The following ADAMTS13 variants were observed in gnomAD, a reference collection of about 807,000 sequenced individuals.
The protein encoded by ADAMTS13 is A disintegrin and metalloproteinase with thrombospondin motifs 13.
ADAMTS13 carries 110 observed loss-of-function variants against 155.1 expected under a neutral mutation model. The observed-to-expected ratio is 0.71, with a 90% CI of 0.61 to 0.83. ADAMTS13 has a LOEUF of 0.83. ADAMTS13 is among the 40% of genes least tolerant of loss of function. The pLI, the probability that ADAMTS13 is intolerant of heterozygous loss-of-function variation, is 0.00. For missense variants in ADAMTS13, 1,707 were observed against 1,891.7 expected (o/e 0.90, Z 1.81); for synonymous variants, 758 against 756.4 (o/e 1.00, Z -0.03).
At position 133,445,788 on chromosome 9, in the gene ADAMTS13, G is replaced by T; in HGVS notation, c.2700G>T (p.Ala900=). ...AAGCTGCACACGTGTGGACCCCTGC[G>T]GCAGGGTCGTGCTCCGTCTCCTGCG... ...GAQAAHVWTP[A]AGSCSVSCGR... is the part of the protein sequence containing the mutation. Residue 900 remains alanine, a synonymous_variant, in exon 21 of 29, where the codon GCG becomes GCT. Coordinates refer to ENST00000355699, the MANE Select transcript of ADAMTS13 (RefSeq NM_139027.6). The surrounding 1 kb of genome is among the most constrained non-coding windows in gnomAD (Gnocchi z 5.0). 6.3e-7 allele frequency: 1 copy of T among 1,596,722 alleles called. No individual in the cohort carries two copies. Among genetic ancestry groups the T allele is most frequent in the Non-Finnish European group, 8.6e-7 (1 of 1,167,210 alleles).
In ADAMTS13 at chr9:133,436,921, C is replaced by G. The variant is rs1554789230; in HGVS notation, c.1401C>G (p.Phe467Leu). The change falls in exon 12 of 29, where the codon TTC becomes TTG. Residue 467 changes from phenylalanine (F) to leucine (L), a missense_variant. Around this residue, in one of 3 missense-constraint regions of ADAMTS13, gnomAD observed 733 missense variants for 749.6 expected, o/e 0.98. Coordinates refer to ENST00000355699, the MANE Select transcript of ADAMTS13 (RefSeq NM_139027.6). The part of the protein sequence containing the change: ...PLRSSPGGAS[F>L]YHWGAAVPHS... Reference sequence around the variant, plus strand: ...GCTCCTCCCCTGGCGGCGCCTCCTTCTACCACTGGGGTGCTGCTGTACCAC... The same window carrying G: ...GCTCCTCCCCTGGCGGCGCCTCCTTGTACCACTGGGGTGCTGCTGTACCAC... 6 of 1,592,300 alleles carry G rather than the reference C, an allele frequency of 3.8e-6. No individual in the cohort carries two copies. The Admixed American group carries it at 1.1e-4, about 28-fold the overall frequency.
At chr9:133,418,934 G>C (rs1237189957), upstream of ADAMTS13, among the ~76,000 whole-genome samples, 1 of 152,290 alleles carries the variant, frequency 6.6e-6, no homozygotes, top group African/African-American at 2.4e-5. Context: ...TCTGCCGCCT[G>C]GGTTCAAGCG....
intron 5 of ADAMTS13, 48 bp downstream of exon 5, chr9:133,426,110 G>T (rs1471164479): frequency 1.9e-6 from 3 of 1,613,774 alleles, no homozygotes; most frequent in Non-Finnish European, 2.5e-6. Flanking sequence ...TGGGAAGGCT[G>T]CTCCCTCAGC....
rs781958663 is a variant in ADAMTS13, at chr9:133,424,390, A to C, written c.242A>C (p.His81Pro). The C allele has an allele frequency of 1.2e-6, 2 of 1,613,224 alleles. No homozygotes were observed. Among genetic ancestry groups the C allele is most frequent in the Non-Finnish European group, 1.7e-6 (2 of 1,179,936 alleles). ...RQRRAAGGIL[H>P]LELLVAVGPD... ...AGGCGGGCTGCAGGCGGCATCCTAC[A>C]CCTGGAGCTGCTGGTGGCCGTGGGC... The change falls in exon 3 of 29, where the codon CAC becomes CCC. Residue 81 changes from histidine to proline, a missense_variant. His to Pro is a moderately conservative substitution (Grantham distance 77). This residue lies in a region of ADAMTS13 where 733 missense variants were observed against 749.6 expected (regional missense o/e 0.98). Coordinates refer to ENST00000355699, the MANE Select transcript of ADAMTS13 (RefSeq NM_139027.6). The surrounding 1 kb of genome is among the most constrained non-coding windows in gnomAD (Gnocchi z 4.3).
chr9:133,436,903 C>G lies in ADAMTS13; in HGVS notation c.1383C>G (p.Ser461=), dbSNP rs1841276831. The change falls in exon 12 of 29, where the codon TCC becomes TCG. Residue 461 remains serine, a synonymous_variant. Coordinates refer to ENST00000355699, the MANE Select transcript of ADAMTS13 (RefSeq NM_139027.6). The stretch of plus-strand genomic sequence containing the variant: ...CCGACGGCCAGCCGCTGCGCTCCTC[C>G]CCTGGCGGCGCCTCCTTCTACCACT... ...ARTDGQPLRS[S]PGGASFYHWG... The G allele has an allele frequency of 6.3e-7, 1 of 1,588,864 alleles. No homozygotes were observed. The highest frequency in any genetic ancestry group is 1.1e-5 in the South Asian group (1 of 87,246).
At chr9:133,418,077 C>T (rs1402910818), upstream of ADAMTS13, 2 of 548,510 alleles carry the variant, frequency 3.6e-6, no homozygotes, top group Admixed American at 6.8e-5. Context: ...AAACCGGATC[C>T]CTGCCTCTGG....
chr9:133,435,533 ATT>A (rs71503347), intron 11 of ADAMTS13, among the ~76,000 whole-genome samples: 1 of 106,058 alleles, frequency 9.4e-6, no homozygotes. Context: ...TTCTTTCTTT[ATT>A]TTTTTTTTTT....
chr9:133,438,875 C>T (rs1841446264), intron 14 of ADAMTS13, among the ~76,000 whole-genome samples: 1 of 149,144 alleles, frequency 6.7e-6, no homozygotes, highest in Non-Finnish European at 1.5e-5. Flanking sequence ...GATCCCTCTG[C>T]ACTCCAGCCC....
upstream of ADAMTS13, among the ~76,000 whole-genome samples, chr9:133,418,861 CTTCT>C: frequency 6.6e-6 from 1 of 152,296 alleles, no homozygotes; most frequent in South Asian, 2.1e-4. Context: ...TTAGTTTTTA[CTTCT>C]TTATTTGGAA....
chr9:133,455,069 C>T (rs1438194806), intron 24 of ADAMTS13, among the ~76,000 whole-genome samples: 1 of 152,182 alleles, frequency 6.6e-6, no homozygotes, highest in Non-Finnish European at 1.5e-5. Context: ...GTGAGGGTGA[C>T]AGGGACCCAG....
At chr9:133,437,214 G>T (rs587672812) in intron 12 of ADAMTS13, among the ~76,000 whole-genome samples, 1 of 152,248 alleles carries the variant, frequency 6.6e-6, no homozygotes, top group Admixed American at 6.5e-5. Flanking sequence ...GCGCTACAAG[G>T]ATTCAGGGAG....
rs782708034 is a variant in ADAMTS13 at position 133,459,006 on chromosome 9, G to A, written c.3942G>A (p.Ala1314=). Residue 1314 remains alanine (A), a synonymous_variant, in exon 29 of 29, where the codon GCG becomes GCA. Coordinates refer to ENST00000355699, the MANE Select transcript of ADAMTS13 (RefSeq NM_139027.6). ...IRDTHSLRTT[A]FHGQQVLYWE... Reference sequence around the variant, plus strand: ...ACACCCACAGCTTGAGGACCACAGCGTTCCATGGGCAGCAGGTGCTCTACT... The same window carrying A: ...ACACCCACAGCTTGAGGACCACAGCATTCCATGGGCAGCAGGTGCTCTACT... The A allele has an allele frequency of 1.9e-6, 3 of 1,613,232 alleles. No individual in the cohort carries two copies. Among genetic ancestry groups the A allele is most frequent in the Admixed American group, 1.7e-5 (1 of 60,026 alleles).
Position 133,436,935 on chromosome 9 carries a change from C to T in ADAMTS13, c.1415C>T (p.Ala472Val). 2.5e-6 allele frequency: 4 copies of T among 1,595,060 alleles called. No homozygotes were observed. Among genetic ancestry groups the T allele is most frequent in the Non-Finnish European group, 2.6e-6 (3 of 1,172,290 alleles). Residue 472 changes from alanine (A) to valine (V), a missense_variant, in exon 12 of 29, where the codon GCT (alanine) becomes GTT (valine). Around this residue, in one of 3 missense-constraint regions of ADAMTS13, gnomAD observed 733 missense variants for 749.6 expected, o/e 0.98. Coordinates refer to ENST00000355699, the MANE Select transcript of ADAMTS13 (RefSeq NM_139027.6). ...PGGASFYHWG[A>V]AVPHSQGDAL... ...GGCGCCTCCTTCTACCACTGGGGTG[C>T]TGCTGTACCACACAGCCAAGGTGGG... is the stretch of plus-strand genomic sequence containing the variant.
intron 1 of ADAMTS13, chr9:133,415,526 T>G (rs1009920003): frequency 6.5e-6 from 1 of 154,736 alleles, no homozygotes; most frequent in Admixed American, 6.4e-5. Flanking sequence ...GCTGAAGAAC[T>G]GCTAGCAGCC....
In ADAMTS13 at chr9:133,440,812, A is replaced by C. The variant is rs142432273; in HGVS notation, c.1968+287A>C. On this transcript the variant is annotated intron_variant, in intron 16 of 28. Coordinates refer to ENST00000355699, the MANE Select transcript of ADAMTS13 (RefSeq NM_139027.6). The surrounding 1 kb of genome is among the most constrained non-coding windows in gnomAD (Gnocchi z 4.3). ...GTTGGAGGGCCCAATGCAGGGGTCC[A>C]GGGCTCCCTGGGAAAGAGTGATGGA... 1.6e-4 allele frequency among the ~76,000 whole-genome samples: 25 copies of C among 152,232 alleles called. No homozygotes were observed. The highest frequency in any genetic ancestry group is 5.5e-4 in the African/African-American group (23 of 41,548).
In ADAMTS13 at chr9:133,425,862, G is replaced by A. The variant is rs1840243988; in HGVS notation, c.415-76G>A. The A allele has an allele frequency of 3.8e-6, 6 of 1,596,952 alleles. No homozygotes were observed. The Admixed American group carries it at 1.0e-4, about 27-fold the overall frequency. On this transcript the variant is annotated intron_variant, in intron 4 of 28. Transcript: ENST00000355699. The surrounding 1 kb of genome is among the most constrained non-coding windows in gnomAD (Gnocchi z 4.6). ...CATAGGGTTGTTAGGAGGACTAACT[G>A]GGAAACAAACCGACCGCAGTCAGCA...
upstream of ADAMTS13, chr9:133,418,065 G>A (rs1839787782): frequency 7.2e-6 from 4 of 556,052 alleles, no homozygotes; most frequent in Non-Finnish European, 1.3e-5. Context: ...ACAACCGGCT[G>A]GAAACCGGAT....
Position 133,432,548 on chromosome 9 carries a change from G to A in ADAMTS13, c.988-40G>A, listed in dbSNP as rs781973994. Reference sequence around the variant, plus strand: ...TTGGACACTGGCCTGGAAGGCCCTGGTGGCCCCTGAGCTCGCCACCCACCT... The same window carrying A: ...TTGGACACTGGCCTGGAAGGCCCTGATGGCCCCTGAGCTCGCCACCCACCT... On this transcript the variant is annotated intron_variant, in intron 8 of 28. Coordinates refer to ENST00000355699, the MANE Select transcript of ADAMTS13 (RefSeq NM_139027.6). 7 of 1,524,774 alleles carry A rather than the reference G, an allele frequency of 4.6e-6. No homozygotes were observed. In the South Asian group the frequency reaches 4.8e-5, roughly 10 times the overall value. The allele number at this position is 1,524,774 out of a possible 1,614,324, so 94.5% of individuals were successfully genotyped here. A position where few individuals can be genotyped will look rare whatever the true frequency, so the allele number is the denominator to read the frequency against.
At position 133,425,312 on chromosome 9, in the gene ADAMTS13, G is replaced by C. The variant is rs369811471; in HGVS notation, c.331-217G>C. On this transcript the variant is annotated intron_variant, in intron 3 of 28. Coordinates refer to ENST00000355699, the MANE Select transcript of ADAMTS13 (RefSeq NM_139027.6). The surrounding 1 kb of genome is among the most constrained non-coding windows in gnomAD (Gnocchi z 4.6). ...TTGCTTTGGAGTTTGTTTTCCTTGC[G>C]TTAGTTGGCCTTCCTGAGCCATGAG... Among the ~76,000 whole-genome samples the C allele has an allele frequency of 6.6e-6, 1 of 152,162 alleles. No individual in the cohort carries two copies. The highest frequency in any genetic ancestry group is 2.4e-5 in the African/African-American group (1 of 41,438).
Sources: gnomAD v4.1 joint callset for allele counts (sites outside exome capture counted in the v4.1 genomes callset) on GRCh38, gnomAD v4.1.1 for gene constraint, gnomAD v4.1.1 regional missense constraint, Gnocchi (gnomAD v3.1) non-coding constraint, MANE v1.5 for transcripts, NCBI Gene and HGNC (gene_info 2026-07-23, HGNC 2026-07-21) for gene names.